The following ARHGAP17 variants were observed in gnomAD, a reference collection of about 807,000 sequenced individuals.
The protein encoded by ARHGAP17 is Rho GTPase activating protein 17, also known as rho GTPase-activating protein 17.
ARHGAP17 carries 57 observed loss-of-function variants against 99.5 expected under a neutral mutation model. That is an observed-to-expected ratio of 0.57 (90% CI 0.46 to 0.71). The LOEUF (loss-of-function observed/expected upper bound fraction) is 0.71, where lower values mean the gene tolerates loss of function less well. Among genes scored for constraint, ARHGAP17 ranks in the 30% least tolerant of loss-of-function variants. ARHGAP17 has a pLI of 0.00. For missense variants in ARHGAP17, 1,000 were observed against 1,122.4 expected, an observed-to-expected ratio of 0.89 and a Z score of 1.56; for synonymous variants, 417 against 429.6, an observed-to-expected ratio of 0.97 and a Z score of 0.36.
chr16:24,931,853 C>T (rs2051001264), intron 18 of ARHGAP17, among the ~76,000 whole-genome samples: 1 of 152,278 alleles, frequency 6.6e-6, no homozygotes, highest in South Asian at 2.1e-4. Flanking sequence ...CAGTGGCTCA[C>T]GCCTGTGATC....
intron 1 of ARHGAP17, among the ~76,000 whole-genome samples, chr16:24,997,644 CAG>C (rs1164250755): frequency 1.3e-5 from 2 of 152,026 alleles, no homozygotes; most frequent in East Asian, 3.8e-4. Context: ...GAGCAGGGCA[CAG>C]AGAGCCACTG....
intron 1 of ARHGAP17, among the ~76,000 whole-genome samples, chr16:25,001,821 T>G (rs1438642727): frequency 2.0e-5 from 3 of 152,118 alleles, no homozygotes; most frequent in Admixed American, 6.5e-5. Flanking sequence ...CAGTGGCTCA[T>G]GCCTGCAATC....
intron 1 of ARHGAP17, among the ~76,000 whole-genome samples, chr16:24,990,565 G>A (rs986515539): frequency 3.9e-5 from 6 of 152,146 alleles, no homozygotes; most frequent in African/African-American, 1.4e-4. Context: ...GCTTAGGTAG[G>A]AGGGTCATTT....
chr16:24,996,153 C>T (rs1199904132), intron 1 of ARHGAP17, among the ~76,000 whole-genome samples: 1 of 152,100 alleles, frequency 6.6e-6, no homozygotes, highest in Admixed American at 6.6e-5. Context: ...AGTCAACCAT[C>T]TTAACTAAAA....
intron 17 of ARHGAP17, 148 bp downstream of exon 17, chr16:24,939,216 A>C (rs762879539): frequency 1.2e-4 from 86 of 702,666 alleles, no homozygotes; most frequent in Non-Finnish European, 1.8e-4. Context: ...CTTTTTTTCC[A>C]TCTTTTGCCA....
chr16:24,954,230 T>C (rs1411096651), intron 10 of ARHGAP17, among the ~76,000 whole-genome samples: 2 of 152,204 alleles, frequency 1.3e-5, no homozygotes, highest in African/African-American at 2.4e-5. Flanking sequence ...CATAATACTA[T>C]GCAAATGTAA....
At position 24,919,746 on chromosome 16, in the gene ARHGAP17, A is replaced by C. The variant is rs1178011500; in HGVS notation, c.*384T>G. ...ACTTGCATAATGAGCGCATTTTATT[A>C]AATAGATAGTTAACGCACTGCTTCT... On this transcript the variant is annotated 3_prime_UTR_variant, in exon 20 of 20. Coordinates refer to ENST00000289968, the MANE Select transcript of ARHGAP17 (RefSeq NM_001006634.3). 6.3e-6 allele frequency: 1 copy of C among 158,448 alleles called. No individual in the cohort carries two copies. Among genetic ancestry groups the C allele is most frequent in the African/African-American group, 2.4e-5 (1 of 41,624 alleles). The allele number at this position is 158,448 out of a possible 1,614,324, so 9.8% of individuals were successfully genotyped here. A position where few individuals can be genotyped will look rare whatever the true frequency, so the allele number is the denominator to read the frequency against.
chr16:24,937,882 T>C (rs2051185351), intron 17 of ARHGAP17, among the ~76,000 whole-genome samples: 1 of 152,214 alleles, frequency 6.6e-6, no homozygotes, highest in Non-Finnish European at 1.5e-5. Context: ...TTTTACTTCA[T>C]ATATGATCAT....
chr16:24,979,347 T>C (rs1216639245), intron 1 of ARHGAP17, among the ~76,000 whole-genome samples: 4 of 152,186 alleles, frequency 2.6e-5, no homozygotes, highest in Non-Finnish European at 5.9e-5. Context: ...TCTAATTCAA[T>C]AGACCCTGCA....
intron 7 of ARHGAP17, 135 bp from the exon 8 acceptor site, chr16:24,960,114 G>C: frequency 1.3e-6 from 1 of 757,138 alleles, no homozygotes. Flanking sequence ...TCAACTGCCT[G>C]GTACAACCAT....
intron 3 of ARHGAP17, among the ~76,000 whole-genome samples, chr16:24,972,917 GCTTT>G (rs1465788558): frequency 1.3e-5 from 2 of 150,622 alleles, no homozygotes; most frequent in Non-Finnish European, 2.9e-5. Context: ...GAGGTGAACA[GCTTT>G]CTATCATCAG....
intron 6 of ARHGAP17, 112 bp downstream of exon 6, chr16:24,968,239 T>G: frequency 8.0e-7 from 1 of 1,251,598 alleles, no homozygotes; most frequent in South Asian, 1.3e-5. Flanking sequence ...GCACCCAGTC[T>G]GGGGGTCAAA....
In ARHGAP17 at chr16:25,003,822, C is replaced by CA. The variant is rs5816273; in HGVS notation, c.53+11386dup. On this transcript the variant is annotated intron_variant, in intron 1 of 19. Transcript: ENST00000289968. ...TGGGTGACAGAGCAAGAATCCATCT[C>CA]AAAAAAAAAAAAAGCTTTGAAGAAC... 3.5e-3 allele frequency among the ~76,000 whole-genome samples: 466 copies of CA among 133,250 alleles called. 1 individual carries two copies. Among genetic ancestry groups the CA allele is most frequent in the African/African-American group, 4.3e-3 (145 of 33,660 alleles). 87.4% of individuals were successfully genotyped at this position (133,250 alleles called of 152,430 possible). A position where few individuals can be genotyped will look rare whatever the true frequency, so the allele number is the denominator to read the frequency against.
At chr16:25,004,798 A>T (rs1229244701) in intron 1 of ARHGAP17, among the ~76,000 whole-genome samples, 3 of 152,234 alleles carry the variant, frequency 2.0e-5, no homozygotes, top group Non-Finnish European at 4.4e-5. Flanking sequence ...GTGGGAAAGG[A>T]GAGGAAGAGA....
intron 1 of ARHGAP17, among the ~76,000 whole-genome samples, chr16:25,012,334 T>C (rs1342462164): frequency 6.6e-6 from 1 of 152,134 alleles, no homozygotes; most frequent in South Asian, 2.1e-4. Flanking sequence ...TTACTAATTC[T>C]CTACAAGTCC....
rs561218832 is a variant in ARHGAP17, at chr16:24,973,206, CTCTAA to C, written c.199-2631_199-2627del. ...GCCAATCGCACAAAAAGAAATAATT[CTCTAA>C]TCTAATAATCTATCTTATCTGACCC... On this transcript the variant is annotated intron_variant, in intron 3 of 19. Coordinates refer to ENST00000289968, the MANE Select transcript of ARHGAP17 (RefSeq NM_001006634.3). Among the ~76,000 whole-genome samples, 36 of 152,302 alleles carry C rather than the reference CTCTAA, an allele frequency of 2.4e-4. No homozygotes were observed. In the South Asian group the frequency reaches 7.0e-3, roughly 30 times the overall value.
At chr16:24,986,170 T>C (rs1036634023) in intron 1 of ARHGAP17, among the ~76,000 whole-genome samples, 6 of 152,208 alleles carry the variant, frequency 3.9e-5, no homozygotes, top group Non-Finnish European at 8.8e-5. Context: ...TGCTGGGTGC[T>C]TTCTATGCCC....
intron 7 of ARHGAP17, among the ~76,000 whole-genome samples, chr16:24,961,911 T>TATATATATATA (rs2052015278): frequency 7.7e-6 from 1 of 130,030 alleles, no homozygotes; most frequent in African/African-American, 3.2e-5. Context: ...CATAGGAATT[T>TATATATATATA]TATATATATA....
chr16:24,927,900 A>C (rs1380895887), intron 19 of ARHGAP17, among the ~76,000 whole-genome samples: 1 of 152,224 alleles, frequency 6.6e-6, no homozygotes, highest in Admixed American at 6.5e-5. Flanking sequence ...GGCATCCTCC[A>C]GTGCTGGTGC....
Sources: gnomAD v4.1 joint callset for allele counts (sites outside exome capture counted in the v4.1 genomes callset) on GRCh38, gnomAD v4.1.1 for gene constraint, MANE v1.5 for transcripts, NCBI Gene and HGNC (gene_info 2026-07-23, HGNC 2026-07-21) for gene names.